The following ABCB8 variants were observed in gnomAD, a reference collection of about 807,000 sequenced individuals.
ABCB8 encodes mitochondrial potassium channel ATP-binding subunit.
In ABCB8, 52 loss-of-function variants were observed where a neutral mutation model predicts 73.0. The ratio of observed to expected loss-of-function variants is 0.71; its 90% confidence interval spans 0.57 to 0.90. ABCB8 has a LOEUF of 0.90. Ranked by LOEUF, ABCB8 falls within the 40% of genes least tolerant of loss-of-function variation. The pLI is 0.00. For synonymous variants in ABCB8, 428 were observed against 423.5 expected, an observed-to-expected ratio of 1.01 and a Z score of -0.13; for missense variants, 909 against 974.6, an observed-to-expected ratio of 0.93 and a Z score of 0.90.
At chr7:151,032,445 C>T (rs962773289) in intron 1 of ABCB8, among the ~76,000 whole-genome samples, 1 of 152,182 alleles carries the variant, frequency 6.6e-6, no homozygotes, top group Non-Finnish European at 1.5e-5. Context: ...CCTGGAATCC[C>T]AGCACTTTGG....
chr7:151,038,171 G>T (rs1330432059), intron 9 of ABCB8: 1 of 152,542 alleles, frequency 6.6e-6, no homozygotes, highest in African/African-American at 2.4e-5. Flanking sequence ...CACTTCCCTT[G>T]ACCAGAGTTT....
At chr7:151,028,825 T>G (rs376518511) in intron 1 of ABCB8, 2 of 1,556,210 alleles carry the variant, frequency 1.3e-6, no homozygotes, top group East Asian at 2.4e-5. Flanking sequence ...TGCAGCCGCG[T>G]GTCAGCCAGA....
In ABCB8 at chr7:151,028,527, TTTATTTC is replaced by T. The variant is rs777729249; in HGVS notation, c.13_19del (p.Leu5GlyfsTer56). ...TTTACCGCGTCAGCATGCTGGTGCA[TTTATTTC>T]GGGTCGGGATTCGGGGTGGCCCATT... On this transcript the variant is annotated frameshift_variant, in exon 1 of 16. Coordinates refer to ENST00000358849, the MANE Select transcript of ABCB8 (RefSeq NM_007188.5). LOFTEE classifies it high-confidence loss of function. The T allele has an allele frequency of 6.2e-7, 1 of 1,613,780 alleles. No individual in the cohort carries two copies. The highest frequency in any genetic ancestry group is 1.7e-5 in the Admixed American group (1 of 59,968).
intron 1 of ABCB8, among the ~76,000 whole-genome samples, chr7:151,032,676 G>C (rs1249103656): frequency 6.6e-6 from 1 of 150,766 alleles, no homozygotes. Flanking sequence ...CCGGGGTGAC[G>C]GAGCGAGACT....
chr7:151,036,436 G>A (rs1470504278), intron 8 of ABCB8, 108 bp from the exon 9 acceptor site: 1 of 1,081,824 alleles, frequency 9.2e-7, no homozygotes, highest in Non-Finnish European at 1.4e-6. Context: ...CCAACGCTGG[G>A]ACCAGTCATG....
chr7:151,040,567 T>G lies in ABCB8; in HGVS notation c.1321T>G (p.Ser441Ala), dbSNP rs1796429482. Reference protein sequence around the residue: ...YMALNPCIPLSGGCCVPKEQL... With the variant: ...YMALNPCIPLAGGCCVPKEQL... ...GGCCCTGAACCCCTGCATCCCACTG[T>G]CTGGGGGCTGCTGCGTCCCCAAAGA... The change falls in exon 11 of 16, where the codon TCT becomes GCT. Residue 441 changes from serine (S) to alanine (A), a missense_variant. Coordinates refer to ENST00000358849, the MANE Select transcript of ABCB8 (RefSeq NM_007188.5). 6.2e-7 allele frequency: 1 copy of G among 1,613,398 alleles called. No homozygotes were observed. Among genetic ancestry groups the G allele is most frequent in the Non-Finnish European group, 8.5e-7 (1 of 1,179,950 alleles).
chr7:151,035,772 C>G, intron 6 of ABCB8, 30 bp downstream of exon 6: 1 of 1,610,868 alleles, frequency 6.2e-7, no homozygotes, highest in Non-Finnish European at 8.5e-7. Context: ...TCCTCTTCAC[C>G]CTCCCCACAC....
chr7:151,036,503 C>T (rs1451800844), intron 8 of ABCB8, 41 bp from the exon 9 acceptor site: 1 of 1,554,302 alleles, frequency 6.4e-7, no homozygotes, highest in Admixed American at 1.7e-5. Flanking sequence ...GCTGTTTCCT[C>T]TGCCCTGGCT....
intron 5 of ABCB8, 135 bp from the exon 6 acceptor site, chr7:151,035,446 C>T: frequency 1.9e-6 from 2 of 1,036,676 alleles, no homozygotes; most frequent in South Asian, 1.5e-5. Flanking sequence ...CGGTGGACTG[C>T]CACTGGGCCT....
At chr7:151,037,581 A>T (rs963114690) in intron 9 of ABCB8, 1 of 488,556 alleles carries the variant, frequency 2.0e-6, no homozygotes, top group Non-Finnish European at 3.8e-6. Flanking sequence ...ATATGCTGTA[A>T]CAGATCATCA....
At chr7:151,037,210 T>C (rs1363733127) in intron 9 of ABCB8, 1 of 703,088 alleles carries the variant, frequency 1.4e-6, no homozygotes. Flanking sequence ...CTTTTGTGAC[T>C]GCGTTTTGTC....
rs1796595793 is a variant in ABCB8 at position 151,045,694 on chromosome 7, C to T, written c.*345C>T. On this transcript the variant is annotated 3_prime_UTR_variant, in exon 16 of 16. Coordinates refer to ENST00000358849, the MANE Select transcript of ABCB8 (RefSeq NM_007188.5). ...GACGTTCTGGCCAGTCTCCCTGCCCCACCCAGCAGCTTCAAATTGGCCAGG... is the reference window on the plus strand; with the variant it reads ...GACGTTCTGGCCAGTCTCCCTGCCCTACCCAGCAGCTTCAAATTGGCCAGG... 1 of 234,644 alleles carries T rather than the reference C, an allele frequency of 4.3e-6. No individual in the cohort carries two copies. Among genetic ancestry groups the T allele is most frequent in the Non-Finnish European group, 8.2e-6 (1 of 122,192 alleles). 14.5% of individuals were successfully genotyped at this position (234,644 alleles called of 1,614,324 possible).
At chr7:151,040,202 C>G in intron 9 of ABCB8, 66 bp from the exon 10 acceptor site, 28 of 1,575,214 alleles carry the variant, frequency 1.8e-5, no homozygotes, top group African/African-American at 2.7e-5. Context: ...CCCACCGTGG[C>G]TTCCTTCCCC....
intron 8 of ABCB8, 23 bp downstream of exon 8, chr7:151,036,193 G>A: frequency 1.9e-6 from 3 of 1,585,326 alleles, no homozygotes; most frequent in African/African-American, 1.3e-5. Context: ...TTTGGGGGCT[G>A]GAGGGGCGCT....
At chr7:151,040,696 C>T (rs781113304) in intron 11 of ABCB8, 62 bp downstream of exon 11, 10 of 1,599,418 alleles carry the variant, frequency 6.3e-6, no homozygotes, top group African/African-American at 2.7e-5. Context: ...CGAGTGGATT[C>T]GGGGGTGGAG....
intron 1 of ABCB8, chr7:151,029,229 AG>A (rs922653272): frequency 5.5e-6 from 1 of 181,566 alleles, no homozygotes; most frequent in African/African-American, 2.4e-5. Flanking sequence ...TCAACCCGGG[AG>A]GCGGAGGTTG....
rs749431861 is a variant in ABCB8, at chr7:151,043,995, G to T, written c.1790G>T (p.Gly597Val). ...GGTGAACGGGGCACTACCCTGTCTG[G>T]GGGCCAGAAGCAGCGCCTGGCCATC... is the stretch of plus-strand genomic sequence containing the variant. ...VVGERGTTLS[G>V]GQKQRLAIAR... The change falls in exon 15 of 16, where the codon GGG becomes GTG. Residue 597 changes from glycine (G) to valine (V), a missense_variant. Physicochemically the swap from Gly to Val is moderately radical, Grantham distance 109. Coordinates refer to ENST00000358849, the MANE Select transcript of ABCB8 (RefSeq NM_007188.5). 3 of 1,612,516 alleles carry T rather than the reference G, an allele frequency of 1.9e-6. No individual in the cohort carries two copies. In the Admixed American group the frequency reaches 5.0e-5, roughly 27 times the overall value.
At chr7:151,042,186 G>T in intron 14 of ABCB8, 78 bp downstream of exon 14, 1 of 1,577,740 alleles carries the variant, frequency 6.3e-7, no homozygotes, top group Non-Finnish European at 8.6e-7. Flanking sequence ...GAGCAGCCCA[G>T]TGGGACTGAG....
chr7:151,040,828 C>T lies in ABCB8; in HGVS notation c.1389C>T (p.Ser463=). Reference sequence around the variant, plus strand: ...CTGGGGGTCTCTCGGCTCCTCCCAGCTACCCCTGCCGCCCCGGCTTCGAGG... The same window carrying T: ...CTGGGGGTCTCTCGGCTCCTCCCAGTTACCCCTGCCGCCCCGGCTTCGAGG... ...GSVTFQNVCF[S]YPCRPGFEVL... Residue 463 remains serine, a splice_region_variant and synonymous_variant, in exon 12 of 16, where the codon AGC becomes AGT. Coordinates refer to ENST00000358849, the MANE Select transcript of ABCB8 (RefSeq NM_007188.5). 1 of 1,590,978 alleles carries T rather than the reference C, an allele frequency of 6.3e-7. No homozygotes were observed. The highest frequency in any genetic ancestry group is 8.6e-7 in the Non-Finnish European group (1 of 1,168,988).
Sources: gnomAD v4.1 joint callset for allele counts (sites outside exome capture counted in the v4.1 genomes callset) on GRCh38, gnomAD v4.1.1 for gene constraint, MANE v1.5 for transcripts, NCBI Gene and HGNC (gene_info 2026-07-23, HGNC 2026-07-21) for gene names.